LRRC4B: variants seen among roughly 807,000 people sequenced by gnomAD.
The protein encoded by LRRC4B is leucine rich repeat containing 4B, also known as leucine-rich repeat-containing protein 4B.
In LRRC4B, 1 loss-of-function variant was observed where a neutral mutation model predicts 7.3. The ratio of observed to expected loss-of-function variants is 0.14; its 90% confidence interval spans 0.05 to 0.65. The LOEUF (loss-of-function observed/expected upper bound fraction) is 0.65. LRRC4B is among the 30% of genes least tolerant of loss of function. LRRC4B has a pLI of 0.84. For synonymous variants in LRRC4B, 500 were observed against 499.2 expected (o/e 1.00, Z -0.02); for missense variants, 730 against 1,041.6 (o/e 0.70, Z 4.12).
intron 1 of LRRC4B, among the ~76,000 whole-genome samples, chr19:50,549,950 T>A (rs1422527943): frequency 6.6e-6 from 1 of 151,880 alleles, no homozygotes; most frequent in South Asian, 2.1e-4. Context: ...CTCTGAGAAG[T>A]CACGCTGTAC....
Position 50,548,716 on chromosome 19 carries a change from C to T in LRRC4B, c.123G>A (p.Val41=). The part of the protein sequence containing the change: ...SPPLGAGGGG[V]AVTSAAGGGS... Reference sequence around the variant, plus strand: ...CCCCTCCGGCGGCAGACGTCACGGCCACTCCACCTCCACCGGCCCCCAGGG... The same window carrying T: ...CCCCTCCGGCGGCAGACGTCACGGCTACTCCACCTCCACCGGCCCCCAGGG... The change falls in exon 2 of 3, where the codon GTG becomes GTA. Residue 41 remains valine (V), a synonymous_variant. Transcript: ENST00000652263. The surrounding 1 kb of genome is among the most constrained non-coding windows in gnomAD (Gnocchi z 6.8). The T allele has an allele frequency of 6.5e-7, 1 of 1,542,230 alleles. No individual in the cohort carries two copies. The highest frequency in any genetic ancestry group is 8.7e-7 in the Non-Finnish European group (1 of 1,147,676).
In LRRC4B at chr19:50,548,745, G is replaced by A. The variant is rs1362481703; in HGVS notation, c.94C>T (p.Pro32Ser). Residue 32 changes from proline (P) to serine (S), a missense_variant, in exon 2 of 3, where the codon CCA becomes TCA. By Grantham distance (74) the Pro-to-Ser change is moderately conservative. Coordinates refer to ENST00000652263, the MANE Select transcript of LRRC4B (RefSeq NM_001080457.2). The surrounding 1 kb of genome is among the most constrained non-coding windows in gnomAD (Gnocchi z 6.8). Reference protein sequence around the residue: ...GALLFLWLFSPPLGAGGGGVA... With the variant: ...GALLFLWLFSSPLGAGGGGVA... ...CCACCTCCACCGGCCCCCAGGGGTG[G>A]GGAGAAGAGCCAGAGGAAGAGCAAT... 6 of 1,540,598 alleles carry A rather than the reference G, an allele frequency of 3.9e-6. 1 individual carries two copies. Among genetic ancestry groups the A allele is most frequent in the Non-Finnish European group, 8.7e-7 (1 of 1,147,466 alleles).
intron 1 of LRRC4B, among the ~76,000 whole-genome samples, chr19:50,552,052 CGGGGGAGGAAG>C (rs765652832): frequency 2.0e-5 from 3 of 151,984 alleles, no homozygotes; most frequent in Admixed American, 6.5e-5. Context: ...TCGGGGGAAG[CGGGGGAGGAAG>C]GTTGCCGGCT....
intron 1 of LRRC4B, among the ~76,000 whole-genome samples, chr19:50,551,261 G>A (rs960136434): frequency 5.3e-5 from 8 of 149,878 alleles, no homozygotes; most frequent in African/African-American, 1.7e-4. Flanking sequence ...CCGGCCAGCC[G>A]GGGTCTCTGC....
intron 2 of LRRC4B, among the ~76,000 whole-genome samples, chr19:50,539,986 A>G (rs537822122): frequency 6.6e-6 from 1 of 152,278 alleles, no homozygotes; most frequent in African/African-American, 2.4e-5. Context: ...ATACTAATGC[A>G]AAGAGAAAAG....
chr19:50,520,631 A>G (rs998619880), intron 2 of LRRC4B, among the ~76,000 whole-genome samples: 6 of 102,536 alleles, frequency 5.9e-5, no homozygotes, highest in Non-Finnish European at 1.0e-4. Flanking sequence ...CTCCGTCTCG[A>G]AAAAAAAAAA....
intron 2 of LRRC4B, among the ~76,000 whole-genome samples, chr19:50,535,026 A>G (rs1007948881): frequency 3.3e-5 from 5 of 151,544 alleles, no homozygotes; most frequent in East Asian, 1.9e-4. Context: ...CTGCCACCAC[A>G]CCCAGCTAAT....
rs144983609 is a variant in LRRC4B at position 50,553,583 on chromosome 19, G to A, written c.-35-4710C>T. 6.2e-4 allele frequency among the ~76,000 whole-genome samples: 95 copies of A among 152,246 alleles called. 1 individual carries two copies. The East Asian group carries it at 0.011, about 18-fold the overall frequency. ...CCAATGCTACCTTCTCAGTGAGGCC[G>A]TCCTGACCGCCCCGCATCAAACAGC... On this transcript the variant is annotated intron_variant, in intron 1 of 2. Transcript: ENST00000652263. This position sits in a 1 kb window ranked among gnomAD's most constrained non-coding sequence, Gnocchi z 4.2.
intron 2 of LRRC4B, among the ~76,000 whole-genome samples, chr19:50,525,312 C>T (rs184047059): frequency 5.5e-4 from 83 of 152,074 alleles, no homozygotes; most frequent in African/African-American, 2.0e-3. Flanking sequence ...TCATTGTTAT[C>T]GTTATCGTTG....
Position 50,519,923 on chromosome 19 carries a change from G to A in LRRC4B, c.298-508C>T, listed in dbSNP as rs539721699. ...AGAATTTTGGGGGACCAAGCACAGG[G>A]GTGGCTCATGCCTGTAATCCCAGCA... On this transcript the variant is annotated intron_variant, in intron 2 of 2. Transcript: ENST00000652263. This position sits in a 1 kb window ranked among gnomAD's most constrained non-coding sequence, Gnocchi z 8.1. Among the ~76,000 whole-genome samples the A allele has an allele frequency of 7.7e-4, 117 of 151,660 alleles. No individual in the cohort carries two copies. Among genetic ancestry groups the A allele is most frequent in the African/African-American group, 2.8e-3 (114 of 41,320 alleles).
At position 50,548,870 on chromosome 19, in the gene LRRC4B, G is replaced by A; in HGVS notation, c.-32C>T. The A allele has an allele frequency of 7.0e-7, 1 of 1,422,308 alleles. No homozygotes were observed. The highest frequency in any genetic ancestry group is 9.2e-7 in the Non-Finnish European group (1 of 1,083,528). The allele number at this position is 1,422,308 out of a possible 1,614,324, so 88.1% of individuals were successfully genotyped here. ...TGTTCATGCTCCGCGTGGACGCTGG[G>A]GGGCTGTGGGTGGGGGAGAGAAGGG... is the stretch of plus-strand genomic sequence containing the variant. On this transcript the variant is annotated 5_prime_UTR_variant, in exon 2 of 3. Coordinates refer to ENST00000652263, the MANE Select transcript of LRRC4B (RefSeq NM_001080457.2). This position sits in a 1 kb window ranked among gnomAD's most constrained non-coding sequence, Gnocchi z 6.8.
At position 50,527,533 on chromosome 19, in the gene LRRC4B, T is replaced by C. The variant is rs1268502157; in HGVS notation, c.298-8118A>G. Among the ~76,000 whole-genome samples, 6 of 152,042 alleles carry C rather than the reference T, an allele frequency of 3.9e-5. No individual in the cohort carries two copies. In the East Asian group the frequency reaches 7.8e-4, roughly 20 times the overall value. On this transcript the variant is annotated intron_variant, in intron 2 of 2. Coordinates refer to ENST00000652263, the MANE Select transcript of LRRC4B (RefSeq NM_001080457.2). ...TGATACAATATACTTGCCTGGGTCC[T>C]GCATTTCCCCTTAATAACATTGTGA...
chr19:50,547,943 A>G (rs1981883988), intron 2 of LRRC4B, among the ~76,000 whole-genome samples: 1 of 151,824 alleles, frequency 6.6e-6, no homozygotes, highest in African/African-American at 2.4e-5. Context: ...TTCTCACACC[A>G]GCTCCAGGAA....
In LRRC4B at chr19:50,556,726, T is replaced by C. The variant is rs544529865; in HGVS notation, c.-35-7853A>G. Among the ~76,000 whole-genome samples the C allele has an allele frequency of 2.0e-5, 3 of 152,212 alleles. No homozygotes were observed. In the East Asian group the frequency reaches 5.8e-4, roughly 29 times the overall value. On this transcript the variant is annotated intron_variant, in intron 1 of 2. Coordinates refer to ENST00000652263, the MANE Select transcript of LRRC4B (RefSeq NM_001080457.2). The surrounding 1 kb of genome is among the most constrained non-coding windows in gnomAD (Gnocchi z 4.2). Reference sequence around the variant, plus strand: ...CGGCGCTGGCCCCTCCGAGCCTCAGTATTTGCTGCAGGAACGAGCGAGCCA... The same window carrying C: ...CGGCGCTGGCCCCTCCGAGCCTCAGCATTTGCTGCAGGAACGAGCGAGCCA...
rs570192163 is a variant in LRRC4B at position 50,551,317 on chromosome 19, G to A, written c.-35-2444C>T. Among the ~76,000 whole-genome samples the A allele has an allele frequency of 3.3e-5, 5 of 151,136 alleles. No homozygotes were observed. In the South Asian group the frequency reaches 8.4e-4, roughly 25 times the overall value. On this transcript the variant is annotated intron_variant, in intron 1 of 2. Coordinates refer to ENST00000652263, the MANE Select transcript of LRRC4B (RefSeq NM_001080457.2). ...TCCTGTCGAGATCGTGCTGGGGGGGGCGCAGGGGCTTCTTGGGTCTCCCCG... is the reference window on the plus strand; with the variant it reads ...TCCTGTCGAGATCGTGCTGGGGGGGACGCAGGGGCTTCTTGGGTCTCCCCG...
intron 1 of LRRC4B, among the ~76,000 whole-genome samples, chr19:50,557,251 G>C (rs1982308542): frequency 6.6e-6 from 1 of 152,212 alleles, no homozygotes; most frequent in Non-Finnish European, 1.5e-5. Flanking sequence ...AATTCCAAAA[G>C]CCAGAAGAGG....
At chr19:50,535,467 C>T (rs1020824563) in intron 2 of LRRC4B, among the ~76,000 whole-genome samples, 2 of 152,198 alleles carry the variant, frequency 1.3e-5, no homozygotes, top group South Asian at 2.1e-4. Flanking sequence ...CCACTGCACT[C>T]GGCCTGTTTT....
chr19:50,564,745 G>C (rs1295642301), intron 1 of LRRC4B, among the ~76,000 whole-genome samples: 4 of 151,994 alleles, frequency 2.6e-5, no homozygotes, highest in Non-Finnish European at 5.9e-5. Context: ...AGGGAGAGAG[G>C]ATGGAGAGAG....
intron 1 of LRRC4B, among the ~76,000 whole-genome samples, chr19:50,567,064 CCGTGT>C (rs1268180782): frequency 6.7e-6 from 1 of 150,048 alleles, no homozygotes; most frequent in Admixed American, 6.7e-5. Flanking sequence ...GGAGCAGATG[CCGTGT>C]CTTAGAAGGT....
Sources: gnomAD v4.1 joint callset for allele counts (sites outside exome capture counted in the v4.1 genomes callset) on GRCh38, gnomAD v4.1.1 for gene constraint, Gnocchi (gnomAD v3.1) non-coding constraint, MANE v1.5 for transcripts, NCBI Gene and HGNC (gene_info 2026-07-23, HGNC 2026-07-21) for gene names.